The following ZDHHC11B variants were observed in gnomAD, a reference collection of about 807,000 sequenced individuals.
ZDHHC11B encodes zDHHC palmitoyltransferase 11B (putative), also known as probable palmitoyltransferase ZDHHC11B.
A neutral mutation model predicts 42.3 loss-of-function variants in ZDHHC11B; 17 were observed. The observed-to-expected ratio is 0.40, with a 90% CI of 0.27 to 0.60. ZDHHC11B has a LOEUF of 0.60. Among genes scored for constraint, ZDHHC11B ranks in the 20% least tolerant of loss-of-function variants. The probability of loss-of-function intolerance (pLI) is 0.41; values close to 1 mark genes in which losing one functional copy is unlikely to be tolerated. For synonymous variants in ZDHHC11B, 123 were observed against 193.5 expected (o/e 0.64, Z 3.02); for missense variants, 262 against 463.2 (o/e 0.57, Z 3.99).
At chr5:715,112 T>C (rs1432710244) in intron 13 of ZDHHC11B, among the ~76,000 whole-genome samples, 2 of 150,276 alleles carry the variant, frequency 1.3e-5, no homozygotes, top group Non-Finnish European at 3.0e-5. Context: ...AAATACACGA[T>C]TTTTCTTTAT....
intron 4 of ZDHHC11B, among the ~76,000 whole-genome samples, chr5:760,904 G>A (rs1258654489): frequency 9.3e-5 from 14 of 150,992 alleles, no homozygotes; most frequent in African/African-American, 2.2e-4. Flanking sequence ...CCTGTGCAGC[G>A]TTCTTCTGAA....
At position 714,994 on chromosome 5, in the gene ZDHHC11B, C is replaced by T. The variant is rs1354721385; in HGVS notation, c.*7+1807G>A. ...CGCCTCCTCTCTCTCCATGTGATCTCTGCACATGTCAGCTCCCTTCACCTT... is the reference window on the plus strand; with the variant it reads ...CGCCTCCTCTCTCTCCATGTGATCTTTGCACATGTCAGCTCCCTTCACCTT... On this transcript the variant is annotated intron_variant, in intron 13 of 13. Coordinates refer to ENST00000508859, the MANE Select transcript of ZDHHC11B (RefSeq NM_001351303.2). 4.0e-5 allele frequency among the ~76,000 whole-genome samples: 6 copies of T among 151,020 alleles called. No homozygotes were observed. In the East Asian group the frequency reaches 1.2e-3, roughly 29 times the overall value.
chr5:730,510 A>T (rs1398988597), intron 11 of ZDHHC11B, 42 bp from the exon 12 acceptor site: 1 of 1,535,730 alleles, frequency 6.5e-7, no homozygotes, highest in African/African-American at 1.4e-5. Flanking sequence ...ATGAACAAAG[A>T]CCTTGTTGAC....
rs1044581466 is a variant in ZDHHC11B, at chr5:710,739, C to T, written c.*1551G>A. The T allele has an allele frequency of 3.9e-5, 6 of 154,582 alleles. No individual in the cohort carries two copies. Among genetic ancestry groups the T allele is most frequent in the African/African-American group, 1.5e-4 (6 of 41,002 alleles). 9.6% of individuals were successfully genotyped at this position (154,582 alleles called of 1,614,324 possible). A position where few individuals can be genotyped will look rare whatever the true frequency, so the allele number is the denominator to read the frequency against. On this transcript the variant is annotated 3_prime_UTR_variant, in exon 14 of 14. Coordinates refer to ENST00000508859, the MANE Select transcript of ZDHHC11B (RefSeq NM_001351303.2). ...TTTCCCAGTACTGTGCTCCCATTTCCCAATGCTATGCTCCATTTCCCAGTG... is the reference window on the plus strand; with the variant it reads ...TTTCCCAGTACTGTGCTCCCATTTCTCAATGCTATGCTCCATTTCCCAGTG...
At chr5:766,416 T>C (rs1034469108) in intron 4 of ZDHHC11B, among the ~76,000 whole-genome samples, 1 of 151,848 alleles carries the variant, frequency 6.6e-6, no homozygotes, top group Non-Finnish European at 1.5e-5. Context: ...CTGAGCCATG[T>C]GGGAGCGGTC....
intron 13 of ZDHHC11B, among the ~76,000 whole-genome samples, chr5:713,256 G>C (rs1191354720): frequency 2.0e-5 from 3 of 151,694 alleles, no homozygotes; most frequent in Non-Finnish European, 4.4e-5. Flanking sequence ...CTTTTCAACT[G>C]TCTATTTTGT....
intron 1 of ZDHHC11B, among the ~76,000 whole-genome samples, chr5:771,750 G>C (rs1201086913): frequency 3.3e-5 from 5 of 151,070 alleles, no homozygotes; most frequent in African/African-American, 1.2e-4. Context: ...AGTGGTGGGC[G>C]TGCGGGTCAG....
chr5:729,818 G>A (rs1350962573), intron 12 of ZDHHC11B, among the ~76,000 whole-genome samples: 1 of 151,894 alleles, frequency 6.6e-6, no homozygotes, highest in Non-Finnish European at 1.5e-5. Context: ...AGCATCATGT[G>A]TGAGTAGATT....
Position 783,449 on chromosome 5 carries a change from G to T in ZDHHC11B, c.-230+1219C>A, listed in dbSNP as rs536166787. On this transcript the variant is annotated intron_variant, in intron 1 of 13. Transcript: ENST00000508859. ...CCAGGGGCAGGGGCTGGCTGGGCGT[G>T]GGGGGAGACCTCTCCCCCTGAGAAG... 1.2e-4 allele frequency among the ~76,000 whole-genome samples: 18 copies of T among 152,308 alleles called. No homozygotes were observed. In the South Asian group the frequency reaches 2.9e-3, roughly 25 times the overall value.
In ZDHHC11B at chr5:751,457, GGCATCTGA is replaced by G. The variant is rs1745701801; in HGVS notation, c.504-208_504-201del. Reference sequence around the variant, plus strand: ...GGGAGGCAGGGGCAGGGACACGCAGGGCATCTGAGGCAGGGGCGGGGGCATGCAGGGCA... The same window carrying G: ...GGGAGGCAGGGGCAGGGACACGCAGGGGCAGGGGCGGGGGCATGCAGGGCA... On this transcript the variant is annotated intron_variant, in intron 6 of 13. Transcript: ENST00000508859. Among the ~76,000 whole-genome samples the G allele has an allele frequency of 2.1e-3, 61 of 29,648 alleles. 1 individual carries two copies. Among genetic ancestry groups the G allele is most frequent in the African/African-American group, 4.9e-3 (56 of 11,464 alleles). 19.5% of individuals were successfully genotyped at this position (29,648 alleles called of 152,430 possible). A position where few individuals can be genotyped will look rare whatever the true frequency, so the allele number is the denominator to read the frequency against.
chr5:718,197 A>G (rs1463098348), intron 12 of ZDHHC11B, among the ~76,000 whole-genome samples: 9 of 151,862 alleles, frequency 5.9e-5, no homozygotes, highest in African/African-American at 2.2e-4. Context: ...GTGTTGTAAA[A>G]GTGTGTGTAA....
chr5:737,928 C>A (rs1366319131), intron 10 of ZDHHC11B, among the ~76,000 whole-genome samples: 1 of 131,668 alleles, frequency 7.6e-6, no homozygotes, highest in Admixed American at 8.4e-5. Context: ...TTCCTTTCGA[C>A]ACAGTACTGG....
At chr5:771,444 G>GCATGGGGGCAGGGTCT (rs1391605389) in intron 1 of ZDHHC11B, among the ~76,000 whole-genome samples, 1 of 151,178 alleles carries the variant, frequency 6.6e-6, no homozygotes, top group East Asian at 2.0e-4. Context: ...GGGCTGGGCC[G>GCATGGGGGCAGGGTCT]CATGGGGGCA....
At chr5:726,390 A>G (rs1190514795) in intron 12 of ZDHHC11B, among the ~76,000 whole-genome samples, 23 of 149,208 alleles carry the variant, frequency 1.5e-4, no homozygotes, top group African/African-American at 5.2e-4. Context: ...TTCTGTGACA[A>G]AAAAAGGGTT....
chr5:738,921 A>G (rs1743833683), intron 10 of ZDHHC11B, among the ~76,000 whole-genome samples: 1 of 151,108 alleles, frequency 6.6e-6, no homozygotes, highest in South Asian at 2.1e-4. Context: ...AAGAACAAAG[A>G]TAAATAGATG....
At chr5:732,124 G>A (rs1450475558) in intron 11 of ZDHHC11B, 1 of 153,428 alleles carries the variant, frequency 6.5e-6, no homozygotes, top group Non-Finnish European at 1.4e-5. Flanking sequence ...TAGGTCTGTG[G>A]AGCTCAGCAC....
At chr5:757,932 C>T (rs1191766811) in intron 4 of ZDHHC11B, among the ~76,000 whole-genome samples, 1 of 151,776 alleles carries the variant, frequency 6.6e-6, no homozygotes, top group African/African-American at 2.4e-5. Flanking sequence ...CTAATCCCAC[C>T]ATGGTAGAGG....
chr5:746,482 G>T lies in ZDHHC11B; in HGVS notation c.785-1184C>A, dbSNP rs1156610464. On this transcript the variant is annotated intron_variant, in intron 8 of 13. Transcript: ENST00000508859. The stretch of plus-strand genomic sequence containing the variant: ...ATCCTGCCTCCTGCCCACAGCAGCC[G>T]CCTGCCTGTCCTTTCATGTTTCTGC... Among the ~76,000 whole-genome samples the T allele has an allele frequency of 2.3e-5, 3 of 131,282 alleles. 1 individual carries two copies. The highest frequency in any genetic ancestry group is 5.1e-5 in the Non-Finnish European group (3 of 58,796). The allele number at this position is 131,282 out of a possible 152,430, so 86.1% of individuals were successfully genotyped here.
At chr5:740,310 CGG>C (rs1744028680) in intron 10 of ZDHHC11B, among the ~76,000 whole-genome samples, 2 of 87,892 alleles carry the variant, frequency 2.3e-5, no homozygotes, top group African/African-American at 7.0e-5. Context: ...AGGACTGGTG[CGG>C]TGGCTCACGT....
Sources: gnomAD v4.1 joint callset for allele counts (sites outside exome capture counted in the v4.1 genomes callset) on GRCh38, gnomAD v4.1.1 for gene constraint, MANE v1.5 for transcripts, NCBI Gene and HGNC (gene_info 2026-07-23, HGNC 2026-07-21) for gene names.